RYR2: variants seen among roughly 807,000 people sequenced by gnomAD.
RYR2 encodes the protein cardiac muscle ryanodine receptor-calcium release channel.
Under a neutral mutation model 601.1 loss-of-function variants are expected in RYR2, and 227 were observed. The observed-to-expected ratio is 0.38, with a 90% CI of 0.34 to 0.42. RYR2 has a LOEUF of 0.42. Ranked by LOEUF, RYR2 falls within the 10% of genes least tolerant of loss-of-function variation. The pLI, the probability that RYR2 is intolerant of heterozygous loss-of-function variation, is 1.00. For synonymous variants in RYR2, 2,223 were observed against 2,175.1 expected (o/e 1.02, Z -0.61); for missense variants, 4,646 against 6,156.5 (o/e 0.75, Z 8.21).
At chr1:237,629,221 G>T (rs1372398623) in intron 41 of RYR2, among the ~76,000 whole-genome samples, 1 of 151,950 alleles carries the variant, frequency 6.6e-6, no homozygotes. Context: ...AAATAAGATG[G>T]AAAAATTGCC....
At chr1:237,797,636 T>TTATC (rs200696208) in intron 96 of RYR2, among the ~76,000 whole-genome samples, 2,945 of 152,366 alleles carry the variant, frequency 0.019, 55 homozygotes, top group Admixed American at 0.066. Context: ...TACAGTTTCT[T>TTATC]TATCTGCAGA....
chr1:237,118,716 G>C (rs1418795966), intron 1 of RYR2, among the ~76,000 whole-genome samples: 2 of 152,042 alleles, frequency 1.3e-5, no homozygotes, highest in African/African-American at 4.8e-5. Context: ...CGATTCTCCT[G>C]CCTCAGCCTC....
At chr1:237,388,962 A>AT (rs1702158005) in intron 10 of RYR2, among the ~76,000 whole-genome samples, 5 of 152,118 alleles carry the variant, frequency 3.3e-5, no homozygotes, top group Admixed American at 2.6e-4. Flanking sequence ...AATTTAATAA[A>AT]AATACATAGG....
chr1:237,650,080 T>C lies in RYR2; in HGVS notation c.7716T>C (p.Cys2572=). Residue 2572 remains cysteine, a synonymous_variant, in exon 50 of 105, where the codon TGT becomes TGC. Coordinates refer to ENST00000366574, the MANE Select transcript of RYR2 (RefSeq NM_001035.3). The stretch of plus-strand genomic sequence containing the variant: ...CTCAGCGGGATTCCATAGAAGTTTG[T>C]TTACTCTCTATTTGTGGGTGAGTGG... ...TKAQRDSIEV[C]LLSICGQLRP... 1.2e-6 allele frequency: 2 copies of C among 1,613,912 alleles called. No homozygotes were observed. Among genetic ancestry groups the C allele is most frequent in the Non-Finnish European group, 1.7e-6 (2 of 1,179,826 alleles).
At chr1:237,433,064 A>G (rs1486368886) in intron 12 of RYR2, among the ~76,000 whole-genome samples, 1 of 151,940 alleles carries the variant, frequency 6.6e-6, no homozygotes, top group Non-Finnish European at 1.5e-5. Context: ...AAAAGAACAA[A>G]TTAGTGTGTG....
At chr1:237,787,831 T>A in intron 91 of RYR2, 157 bp from the exon 92 acceptor site, 1 of 702,530 alleles carries the variant, frequency 1.4e-6, no homozygotes, top group Non-Finnish European at 2.4e-6. Flanking sequence ...TACCCCTGAT[T>A]CTAAAATTCA....
intron 48 of RYR2, 142 bp from the exon 49 acceptor site, chr1:237,648,302 A>G (rs1038134797): frequency 4.1e-6 from 3 of 723,802 alleles, no homozygotes; most frequent in Admixed American, 3.4e-5. Flanking sequence ...AACTCCCATA[A>G]TAGCTTGAGG....
chr1:237,348,281 C>A (rs1266331525), intron 3 of RYR2, among the ~76,000 whole-genome samples: 1 of 152,122 alleles, frequency 6.6e-6, no homozygotes, highest in African/African-American at 2.4e-5. Context: ...GATCATTTTT[C>A]TGTTATTAGC....
intron 58 of RYR2, among the ~76,000 whole-genome samples, chr1:237,672,864 G>T (rs1685077853): frequency 6.6e-6 from 1 of 152,152 alleles, no homozygotes; most frequent in Non-Finnish European, 1.5e-5. Context: ...GTTAGTATTT[G>T]TTAGCTTGGT....
intron 2 of RYR2, among the ~76,000 whole-genome samples, chr1:237,279,624 C>T (rs865961830): frequency 6.6e-6 from 1 of 152,116 alleles, no homozygotes; most frequent in African/African-American, 2.4e-5. Flanking sequence ...ATTTTAGCAT[C>T]GTTACACAAG....
intron 1 of RYR2, among the ~76,000 whole-genome samples, chr1:237,172,510 T>C (rs370900418): frequency 6.6e-5 from 10 of 152,060 alleles, no homozygotes; most frequent in East Asian, 1.9e-4. Context: ...TTTTTTTTTT[T>C]AATGAGGAAA....
intron 10 of RYR2, 65 bp from the exon 11 acceptor site, chr1:237,416,984 A>AT: frequency 6.9e-6 from 10 of 1,443,364 alleles, no homozygotes; most frequent in Non-Finnish European, 9.7e-6. Flanking sequence ...GCTTCAAAAA[A>AT]TTAGAGTCCA....
rs530488596 is a variant in RYR2 at position 237,616,659 on chromosome 1, A to G, written c.5716-627A>G. ...GAAGACCCTTAGCAAACTTTCCCTT[A>G]TATATTTCATTGGCCATTGCACCTG... On this transcript the variant is annotated intron_variant, in intron 37 of 104. Transcript: ENST00000366574. Among the ~76,000 whole-genome samples, 20 of 152,276 alleles carry G rather than the reference A, an allele frequency of 1.3e-4. 1 individual carries two copies. In the South Asian group the frequency reaches 4.1e-3, roughly 32 times the overall value.
rs541713878 is a variant in RYR2, at chr1:237,060,852, A to C, written c.48+18283A>C. 2.0e-5 allele frequency among the ~76,000 whole-genome samples: 3 copies of C among 152,334 alleles called. No homozygotes were observed. In the South Asian group the frequency reaches 6.2e-4, roughly 32 times the overall value. On this transcript the variant is annotated intron_variant, in intron 1 of 104. Transcript: ENST00000366574. Reference sequence around the variant, plus strand: ...CTGGTACTAATATTCTCAAATATGAAAGATTTAAATATTTAAGTGAACACC... The same window carrying C: ...CTGGTACTAATATTCTCAAATATGACAGATTTAAATATTTAAGTGAACACC...
chr1:237,065,281 TTTTTTTTTTTTTTTTC>T (rs1167064537), intron 1 of RYR2, among the ~76,000 whole-genome samples: 2 of 44,248 alleles, frequency 4.5e-5, no homozygotes, highest in Admixed American at 3.4e-4. Flanking sequence ...TTTTTTTTTT[TTTTTTTTTTTTTTTTC>T]GAGAGGGAGT....
At position 237,368,815 on chromosome 1, in the gene RYR2, A is replaced by G. The variant is rs1187553976; in HGVS notation, c.310-719A>G. ...TGAATCAACGTTTATTTATTTATTT[A>G]TTTATTTATTTATTTATTTATTTAT... On this transcript the variant is annotated intron_variant, in intron 5 of 104. Transcript: ENST00000366574. Among the ~76,000 whole-genome samples the G allele has an allele frequency of 4.4e-3, 661 of 150,716 alleles. 5 individuals are homozygous for G. Among genetic ancestry groups the G allele is most frequent in the African/African-American group, 7.0e-3 (289 of 41,106 alleles).
At chr1:237,402,904 C>CCCAATAGAGTAAGACT (rs146394133) in intron 10 of RYR2, among the ~76,000 whole-genome samples, 7 of 10,808 alleles carry the variant, frequency 6.5e-4, no homozygotes, top group South Asian at 8.9e-3. Flanking sequence ...GCTTCAGCCT[C>CCCAATAGAGTAAGACT]CTGTCTCCAC....
intron 13 of RYR2, among the ~76,000 whole-genome samples, chr1:237,441,731 C>T (rs761843962): frequency 3.3e-5 from 5 of 152,022 alleles, no homozygotes; most frequent in Admixed American, 6.6e-5. Context: ...TATACAGTGC[C>T]GTCTTCTGGA....
At chr1:237,141,099 G>C (rs777883334) in intron 1 of RYR2, among the ~76,000 whole-genome samples, 3 of 152,174 alleles carry the variant, frequency 2.0e-5, no homozygotes, top group Non-Finnish European at 4.4e-5. Flanking sequence ...GCTTCTGGAT[G>C]TATTTAGGAA....
Sources: allele counts gnomAD v4.1 joint callset (sites outside exome capture counted in the v4.1 genomes callset), GRCh38; gene constraint gnomAD v4.1.1; transcripts MANE v1.5; gene names NCBI Gene and HGNC (gene_info 2026-07-23, HGNC 2026-07-21).